The following CUL3 variants were observed in gnomAD, a reference collection of about 807,000 sequenced individuals.
The protein encoded by CUL3 is cullin 3, also known as cullin-3.
In CUL3, 19 loss-of-function variants were observed where a neutral mutation model predicts 89.1. The observed-to-expected ratio is 0.21, with a 90% CI of 0.15 to 0.31. CUL3 has a LOEUF of 0.31. Among genes scored for constraint, CUL3 ranks in the 10% least tolerant of loss-of-function variants. The pLI, the probability that CUL3 is intolerant of heterozygous loss-of-function variation, is 1.00. For synonymous variants in CUL3, 351 were observed against 308.4 expected, an observed-to-expected ratio of 1.14 and a Z score of -1.45; for missense variants, 469 against 942.3, an observed-to-expected ratio of 0.50 and a Z score of 6.58.
chr2:224,511,277 T>C (rs1692816190), intron 6 of CUL3, 77 bp downstream of exon 6: 1 of 1,071,948 alleles, frequency 9.3e-7, no homozygotes, highest in Non-Finnish European at 1.4e-6. Flanking sequence ...TATTATCTGC[T>C]TTAATTGTAG....
intron 2 of CUL3, among the ~76,000 whole-genome samples, chr2:224,542,591 AG>A (rs1694158328): frequency 6.6e-6 from 1 of 151,688 alleles, no homozygotes; most frequent in Admixed American, 6.6e-5. Context: ...ATGCGTGTGT[AG>A]GTAAGGGGTC....
chr2:224,482,348 C>T (rs1428307288), intron 13 of CUL3, among the ~76,000 whole-genome samples: 1 of 151,946 alleles, frequency 6.6e-6, no homozygotes, highest in East Asian at 1.9e-4. Context: ...AAATGTTATC[C>T]AGCAGAGATT....
intron 1 of CUL3, among the ~76,000 whole-genome samples, chr2:224,574,264 G>A (rs1364256055): frequency 1.3e-5 from 2 of 152,064 alleles, no homozygotes; most frequent in Non-Finnish European, 1.5e-5. Context: ...ATGATTACAA[G>A]TACTAAATGG....
intron 6 of CUL3, 81 bp from the exon 7 acceptor site, chr2:224,507,084 G>C: frequency 1.5e-6 from 2 of 1,312,628 alleles, no homozygotes; most frequent in South Asian, 1.6e-5. Context: ...ATAATACTGA[G>C]AGAAGCTTAT....
At chr2:224,517,339 A>T (rs1321708819) in intron 3 of CUL3, among the ~76,000 whole-genome samples, 1 of 152,170 alleles carries the variant, frequency 6.6e-6, no homozygotes, top group Non-Finnish European at 1.5e-5. Flanking sequence ...AGACATCAGG[A>T]CTTTCTTTGA....
intron 1 of CUL3, among the ~76,000 whole-genome samples, chr2:224,558,877 AAAAAATATACTAAATATAC>A (rs1253785484): frequency 0.023 from 263 of 11,612 alleles, no homozygotes; most frequent in Admixed American, 0.065. Context: ...CTAAATATAC[AAAAAATATACTAAATATAC>A]AAAAAAAAGA....
At chr2:224,501,580 T>C (rs1692389913) in intron 10 of CUL3, among the ~76,000 whole-genome samples, 1 of 152,238 alleles carries the variant, frequency 6.6e-6, no homozygotes, top group Non-Finnish European at 1.5e-5. Flanking sequence ...AATCAGTTTA[T>C]GAATATCAAG....
intron 11 of CUL3, among the ~76,000 whole-genome samples, 194 bp from the exon 12 acceptor site, chr2:224,498,043 A>C (rs1692232528): frequency 6.6e-6 from 1 of 152,140 alleles, no homozygotes; most frequent in Non-Finnish European, 1.5e-5. Context: ...GTCCTAAGTA[A>C]CTCAGCTAGA....
intron 15 of CUL3, 67 bp from the exon 16 acceptor site, chr2:224,474,443 A>T (rs919290525): frequency 2.2e-5 from 30 of 1,356,470 alleles, no homozygotes; most frequent in Admixed American, 4.1e-5. Context: ...AACAGAACTG[A>T]TATGTCATTT....
intron 13 of CUL3, among the ~76,000 whole-genome samples, chr2:224,488,941 T>C (rs1038219591): frequency 1.1e-4 from 16 of 152,226 alleles, no homozygotes; most frequent in Non-Finnish European, 2.4e-4. Flanking sequence ...ATCCCTGGGA[T>C]GCAAGGCTGG....
chr2:224,542,528 T>C (rs1469963822), intron 2 of CUL3, among the ~76,000 whole-genome samples: 1 of 151,292 alleles, frequency 6.6e-6, no homozygotes. Flanking sequence ...TGTGTGTGTG[T>C]GCCAGCACTT....
intron 13 of CUL3, among the ~76,000 whole-genome samples, chr2:224,484,775 C>A (rs1691656116): frequency 2.0e-5 from 3 of 152,160 alleles, no homozygotes. Context: ...ATACTACCCT[C>A]TTCTCATTCC....
At chr2:224,478,931 A>G (rs748249730) in intron 14 of CUL3, 20 of 152,316 alleles carry the variant, frequency 1.3e-4, no homozygotes, top group African/African-American at 4.8e-4. Context: ...TTCTTGTCAT[A>G]TATTTTATTA....
At chr2:224,542,187 G>A (rs1694135419) in intron 2 of CUL3, among the ~76,000 whole-genome samples, 3 of 152,138 alleles carry the variant, frequency 2.0e-5, no homozygotes, top group Admixed American at 2.0e-4. Flanking sequence ...TAAACAATTT[G>A]AGTATATCAA....
intron 3 of CUL3, among the ~76,000 whole-genome samples, chr2:224,528,642 T>C (rs1317913399): frequency 1.3e-5 from 2 of 152,120 alleles, no homozygotes; most frequent in East Asian, 1.9e-4. Flanking sequence ...GAGACTAGAA[T>C]ACCAAAAGAG....
intron 2 of CUL3, among the ~76,000 whole-genome samples, chr2:224,541,881 G>T (rs1694120446): frequency 6.6e-6 from 1 of 152,086 alleles, no homozygotes; most frequent in Non-Finnish European, 1.5e-5. Flanking sequence ...GCAGATCAGT[G>T]GTTGTCAGGA....
chr2:224,502,572 G>A (rs553186657), intron 10 of CUL3, among the ~76,000 whole-genome samples: 1 of 152,276 alleles, frequency 6.6e-6, no homozygotes, highest in Admixed American at 6.5e-5. Context: ...GGTATAGGAA[G>A]GTCAGGTGAC....
chr2:224,481,867 A>C, intron 14 of CUL3, 25 bp downstream of exon 14: 1 of 1,407,918 alleles, frequency 7.1e-7, no homozygotes. Context: ...TAATTTTTTG[A>C]GAGGAAAAAT....
rs1251736008 is a variant in CUL3 at position 224,473,627 on chromosome 2, G to T, written c.*618C>A. The T allele has an allele frequency of 3.8e-5, 7 of 186,520 alleles. No homozygotes were observed. The highest frequency in any genetic ancestry group is 7.9e-5 in the Non-Finnish European group (7 of 88,134). The allele number at this position is 186,520 out of a possible 1,614,324, so 11.6% of individuals were successfully genotyped here. On this transcript the variant is annotated 3_prime_UTR_variant, in exon 16 of 16. Coordinates refer to ENST00000264414, the MANE Select transcript of CUL3 (RefSeq NM_003590.5). ...ATTACAACAGGGAGAAACCAAATCA[G>T]GATGTGTACTTGAGCCCAAAACAAA...
Sources: allele counts gnomAD v4.1 joint callset (sites outside exome capture counted in the v4.1 genomes callset), GRCh38; gene constraint gnomAD v4.1.1; transcripts MANE v1.5; gene names NCBI Gene and HGNC (gene_info 2026-07-23, HGNC 2026-07-21).